Variants in CTR9 observed in about 807,000 individuals in gnomAD.
The protein encoded by CTR9 is CTR9 component of Paf1/RNA polymerase II complex, also known as RNA polymerase-associated protein CTR9 homolog.
In CTR9, 41 loss-of-function variants were observed where a neutral mutation model predicts 152.1. That is an observed-to-expected ratio of 0.27 (90% confidence interval 0.21 to 0.35). The LOEUF (loss-of-function observed/expected upper bound fraction) is 0.35. Ranked by LOEUF, CTR9 falls within the 10% of genes least tolerant of loss-of-function variation. CTR9 has a pLI of 1.00. For synonymous variants in CTR9, 476 were observed against 496.2 expected, an observed-to-expected ratio of 0.96 and a Z score of 0.54; for missense variants, 917 against 1,424.4, an observed-to-expected ratio of 0.64 and a Z score of 5.73.
At chr11:10,762,144 G>T in intron 7 of CTR9, 90 bp downstream of exon 7, 1 of 827,856 alleles carries the variant, frequency 1.2e-6, no homozygotes, top group South Asian at 1.8e-5. Flanking sequence ...AAAGAAATTT[G>T]AAAATGTCAG....
intron 1 of CTR9, 127 bp downstream of exon 1, chr11:10,751,584 G>A: frequency 1.1e-6 from 1 of 900,620 alleles, no homozygotes; most frequent in Non-Finnish European, 1.7e-6. Context: ...GAAATACCTG[G>A]CCAAGGTCTG....
Position 10,752,586 on chromosome 11 carries a change from T to C in CTR9, c.46-86T>C, listed in dbSNP as rs568557544. ...TGAACACGTACTCTATGTATATGCA[T>C]GTTGATTATATTCACGAAAAGCAGC... On this transcript the variant is annotated intron_variant, in intron 1 of 24. Transcript: ENST00000361367. The C allele has an allele frequency of 5.5e-6, 5 of 906,466 alleles. No homozygotes were observed. The South Asian group carries it at 6.9e-5, about 12-fold the overall frequency. The allele number at this position is 906,466 out of a possible 1,614,324, so 56.2% of individuals were successfully genotyped here.
At chr11:10,773,365 T>TA in intron 21 of CTR9, 92 bp downstream of exon 21, 6 of 1,484,350 alleles carry the variant, frequency 4.0e-6, no homozygotes, top group East Asian at 2.3e-5. Flanking sequence ...CTTCTGTACT[T>TA]ACTAGTTTTG....
intron 4 of CTR9, among the ~76,000 whole-genome samples, chr11:10,756,324 G>T (rs1346183276): frequency 6.6e-6 from 1 of 152,162 alleles, no homozygotes; most frequent in Admixed American, 6.5e-5. Context: ...GGTCATGGGG[G>T]TTTGTTGTGC....
At position 10,775,192 on chromosome 11, in the gene CTR9, T is replaced by C. The variant is rs1268270006; in HGVS notation, c.2886-15T>C. 4.4e-6 allele frequency: 7 copies of C among 1,599,222 alleles called. No individual in the cohort carries two copies. Among genetic ancestry groups the C allele is most frequent in the African/African-American group, 1.3e-5 (1 of 74,644 alleles). On this transcript the variant is annotated splice_polypyrimidine_tract_variant and intron_variant, in intron 22 of 24. Transcript: ENST00000361367. The stretch of plus-strand genomic sequence containing the variant: ...AGGCTCTTGACAAACTCTCTCTTGG[T>C]GTTCACTATTTAAGACATCCAAAGG...
At chr11:10,778,336 TAAAC>T (rs888474685) in intron 24 of CTR9, among the ~76,000 whole-genome samples, 3 of 152,238 alleles carry the variant, frequency 2.0e-5, no homozygotes, top group Non-Finnish European at 4.4e-5. Context: ...TGTACAGAGA[TAAAC>T]AAATGTATCC....
At position 10,767,319 on chromosome 11, in the gene CTR9, A is replaced by AC. The variant is rs2135374232; in HGVS notation, c.1687-486dup. ...ATTTTTGCCTGTTAGTGATGGTTCC[A>AC]CGTTTGTAACGTTTTGGTTGAGATT... On this transcript the variant is annotated intron_variant, in intron 13 of 24. Coordinates refer to ENST00000361367, the MANE Select transcript of CTR9 (RefSeq NM_014633.5). The surrounding 1 kb of genome is among the most constrained non-coding windows in gnomAD (Gnocchi z 4.0). 1 of 156,122 alleles carries AC rather than the reference A, an allele frequency of 6.4e-6. No homozygotes were observed. The highest frequency in any genetic ancestry group is 1.9e-4 in the South Asian group (1 of 5,136). 9.7% of individuals were successfully genotyped at this position (156,122 alleles called of 1,614,324 possible).
At position 10,778,948 on chromosome 11, in the gene CTR9, G is replaced by T. The variant is rs367908001; in HGVS notation, c.3365G>T (p.Arg1122Leu). 1.2e-6 allele frequency: 2 copies of T among 1,613,982 alleles called. No individual in the cohort carries two copies. The highest frequency in any genetic ancestry group is 1.3e-5 in the African/African-American group (1 of 74,890). Residue 1122 changes from arginine (R) to leucine (L), a missense_variant, in exon 25 of 25, where the codon CGC becomes CTC. Physicochemically the swap from Arg to Leu is moderately radical, Grantham distance 102. Coordinates refer to ENST00000361367, the MANE Select transcript of CTR9 (RefSeq NM_014633.5). ...TCAGGAGTTTCTGAGAACGACTCTC[G>T]CCCAGCTTCTCCAAGTGCCGAATCA... ...SHSGVSENDSRPASPSAESDH... is the reference protein window; with the variant it reads ...SHSGVSENDSLPASPSAESDH...
intron 19 of CTR9, among the ~76,000 whole-genome samples, 170 bp from the exon 20 acceptor site, chr11:10,772,350 G>C (rs915455808): frequency 2.0e-5 from 3 of 151,996 alleles, no homozygotes; most frequent in African/African-American, 7.3e-5. Context: ...GCAAAACTCT[G>C]TCTCTTAAAC....
At chr11:10,766,190 T>C (rs1590022605) in intron 12 of CTR9, 2 of 517,530 alleles carry the variant, frequency 3.9e-6, no homozygotes, top group South Asian at 5.0e-5. Flanking sequence ...GTGGCAGAGG[T>C]AAGTCTTAGA....
chr11:10,769,531 A>C (rs898844554), intron 16 of CTR9, among the ~76,000 whole-genome samples: 2 of 152,204 alleles, frequency 1.3e-5, no homozygotes, highest in Non-Finnish European at 2.9e-5. Context: ...CACAGAACCT[A>C]GATTGCATAT....
chr11:10,766,965 CAACTG>C (rs1337289128), intron 13 of CTR9: 1 of 152,704 alleles, frequency 6.5e-6, no homozygotes, highest in East Asian at 1.9e-4. Context: ...TATAGACAAA[CAACTG>C]AAATGAAAGT....
intron 22 of CTR9, 133 bp from the exon 23 acceptor site, chr11:10,775,074 G>T: frequency 4.5e-6 from 3 of 672,628 alleles, no homozygotes. Flanking sequence ...TGCCCTTGAG[G>T]AGTGTACAGT....
chr11:10,774,350 G>T, intron 22 of CTR9, 181 bp downstream of exon 22: 1 of 602,670 alleles, frequency 1.7e-6, no homozygotes, highest in Non-Finnish European at 2.7e-6. Flanking sequence ...CTGAGTACCT[G>T]GGATTTCCAT....
intron 1 of CTR9, 140 bp from the exon 2 acceptor site, chr11:10,752,532 A>G: frequency 1.6e-6 from 1 of 617,842 alleles, no homozygotes; most frequent in South Asian, 2.0e-5. Context: ...CTTAAACATT[A>G]ACATGGATTA....
chr11:10,764,490 C>A, intron 11 of CTR9, 54 bp downstream of exon 11: 4 of 1,465,364 alleles, frequency 2.7e-6, no homozygotes, highest in Non-Finnish European at 3.7e-6. Flanking sequence ...TGCATGCACA[C>A]CTTTTTAAAA....
chr11:10,770,302 G>A lies in CTR9; in HGVS notation c.2202G>A (p.Gln734=). The change falls in exon 17 of 25, where the codon CAG becomes CAA. Residue 734 remains glutamine (Q), a synonymous_variant. Coordinates refer to ENST00000361367, the MANE Select transcript of CTR9 (RefSeq NM_014633.5). ...CCCTCTTCAAGTGTGGCAAGTTACA[G>A]GAATGCAAACAGACTTTGCTGAAGG... is the stretch of plus-strand genomic sequence containing the variant. ...ARALFKCGKL[Q]ECKQTLLKAR... is the part of the protein sequence containing the mutation. 1 of 1,613,874 alleles carries A rather than the reference G, an allele frequency of 6.2e-7. No individual in the cohort carries two copies. The highest frequency in any genetic ancestry group is 8.5e-7 in the Non-Finnish European group (1 of 1,179,864).
chr11:10,776,048 G>C (rs929084327), intron 24 of CTR9, among the ~76,000 whole-genome samples: 1 of 152,112 alleles, frequency 6.6e-6, no homozygotes, highest in South Asian at 2.1e-4. Context: ...TGGTCATATG[G>C]AGATAGGCTA....
At chr11:10,754,168 G>T (rs1353336580) in intron 2 of CTR9, among the ~76,000 whole-genome samples, 1 of 152,168 alleles carries the variant, frequency 6.6e-6, no homozygotes, top group Non-Finnish European at 1.5e-5. Flanking sequence ...ACCACACCTA[G>T]TGGATATTTC....
Sources: gnomAD v4.1 joint callset for allele counts (sites outside exome capture counted in the v4.1 genomes callset) on GRCh38, gnomAD v4.1.1 for gene constraint, Gnocchi (gnomAD v3.1) non-coding constraint, MANE v1.5 for transcripts, NCBI Gene and HGNC (gene_info 2026-07-23, HGNC 2026-07-21) for gene names.